EYS: variants seen among roughly 807,000 people sequenced by gnomAD.
The protein encoded by EYS is protein eyes shut homolog.
Under a neutral mutation model 282.1 loss-of-function variants are expected in EYS, and 250 were observed. The ratio of observed to expected loss-of-function variants is 0.89; its 90% CI spans 0.80 to 0.98. The LOEUF (loss-of-function observed/expected upper bound fraction) is 0.98. Ranked by LOEUF, EYS falls within the 50% of genes least tolerant of loss-of-function variation. EYS has a pLI of 0.00. For synonymous variants in EYS, 1,355 were observed against 1,282.9 expected (o/e 1.06, Z -1.20); for missense variants, 4,016 against 3,709.0 (o/e 1.08, Z -2.15).
intron 22 of EYS, among the ~76,000 whole-genome samples, chr6:64,685,430 G>T (rs1435543843): frequency 6.6e-6 from 1 of 152,164 alleles, no homozygotes; most frequent in Admixed American, 6.5e-5. Context: ...TCTGATGGGA[G>T]GTGTTTGGGT....
intron 2 of EYS, among the ~76,000 whole-genome samples, chr6:65,627,023 CT>C (rs200230404): frequency 1.3e-5 from 2 of 151,684 alleles, no homozygotes; most frequent in Non-Finnish European, 2.9e-5. Flanking sequence ...CCCTTTCTTT[CT>C]TTCTCTTTCT....
At chr6:65,620,290 T>A (rs1165760523) in intron 2 of EYS, among the ~76,000 whole-genome samples, 1 of 152,200 alleles carries the variant, frequency 6.6e-6, no homozygotes. Context: ...TGGGAGGGTG[T>A]ATGTGTCGAG....
intron 30 of EYS, among the ~76,000 whole-genome samples, chr6:64,266,029 A>G (rs1271055299): frequency 6.6e-6 from 1 of 152,108 alleles, no homozygotes. Flanking sequence ...AAAAATTGAC[A>G]TGAAAATTTA....
At chr6:65,269,846 T>G (rs1767850456) in intron 12 of EYS, among the ~76,000 whole-genome samples, 1 of 152,108 alleles carries the variant, frequency 6.6e-6, no homozygotes, top group Non-Finnish European at 1.5e-5. Flanking sequence ...CTTCATGACC[T>G]AATTACCTCC....
rs373305977 is a variant in EYS, at chr6:65,532,183, A to G, written c.-332-36190T>C. The stretch of plus-strand genomic sequence containing the variant: ...TGAACTCAACTACCTGCTAAATTAT[A>G]TATAATCATATGCTTAACAAATTTT... On this transcript the variant is annotated intron_variant, in intron 2 of 42. Coordinates refer to ENST00000503581, the MANE Select transcript of EYS (RefSeq NM_001142800.2). Among the ~76,000 whole-genome samples, 154 of 152,262 alleles carry G rather than the reference A, an allele frequency of 1.0e-3. 5 individuals carry two copies. In the South Asian group the frequency reaches 0.032, roughly 32 times the overall value.
chr6:65,479,002 C>T (rs1765506085), intron 5 of EYS, among the ~76,000 whole-genome samples: 1 of 151,828 alleles, frequency 6.6e-6, no homozygotes, highest in Non-Finnish European at 1.5e-5. Context: ...ATTATCTAAT[C>T]TGTAGAATAG....
chr6:65,559,239 T>C (rs1378500011), intron 2 of EYS, among the ~76,000 whole-genome samples: 8 of 151,964 alleles, frequency 5.3e-5, no homozygotes, highest in Admixed American at 5.3e-4. Flanking sequence ...AAAAATTAGC[T>C]GGGCATGGTG....
rs573070304 is a variant in EYS, at chr6:65,305,206, T to C, written c.1767-9087A>G. The stretch of plus-strand genomic sequence containing the variant: ...TGAGAAAAAAGTTCTGTCATACCCT[T>C]CTCTCCACAAAAAAGAGACTGAGAG... On this transcript the variant is annotated intron_variant, in intron 11 of 42. Transcript: ENST00000503581. Among the ~76,000 whole-genome samples, 136 of 151,924 alleles carry C rather than the reference T, an allele frequency of 9.0e-4. 6 individuals are homozygous for C. The South Asian group carries it at 0.028, about 31-fold the overall frequency.
chr6:64,723,727 C>G (rs910458699), intron 22 of EYS, among the ~76,000 whole-genome samples: 2 of 152,166 alleles, frequency 1.3e-5, no homozygotes, highest in African/African-American at 4.8e-5. Flanking sequence ...CGCTGAAAGC[C>G]TGGAGGTGTG....
At chr6:65,029,931 G>A (rs887490967) in intron 13 of EYS, among the ~76,000 whole-genome samples, 10 of 152,082 alleles carry the variant, frequency 6.6e-5, no homozygotes, top group African/African-American at 2.2e-4. Context: ...AATAAGCGAG[G>A]ATGGCCCACT....
intron 22 of EYS, among the ~76,000 whole-genome samples, chr6:64,749,507 C>T (rs975790695): frequency 3.3e-5 from 5 of 152,140 alleles, no homozygotes; most frequent in Admixed American, 6.5e-5. Context: ...ATGTCAAATA[C>T]TGCAAAGTAT....
chr6:64,464,254 C>T (rs771918618), intron 26 of EYS, among the ~76,000 whole-genome samples: 3 of 152,070 alleles, frequency 2.0e-5, no homozygotes, highest in Non-Finnish European at 4.4e-5. Flanking sequence ...AACATTCCTT[C>T]GTGATAAAAA....
intron 26 of EYS, among the ~76,000 whole-genome samples, chr6:64,473,690 T>C (rs1419073629): frequency 6.6e-6 from 1 of 152,186 alleles, no homozygotes; most frequent in Non-Finnish European, 1.5e-5. Context: ...AAGCCATTAA[T>C]TATGTAATCA....
At chr6:65,185,584 G>T (rs2150236299) in intron 12 of EYS, among the ~76,000 whole-genome samples, 1 of 151,820 alleles carries the variant, frequency 6.6e-6, no homozygotes, top group African/African-American at 2.4e-5. Context: ...ATTTTTCTTG[G>T]CTGTTTCCAG....
chr6:65,609,189 G>C (rs751675129), intron 2 of EYS, among the ~76,000 whole-genome samples: 2 of 151,690 alleles, frequency 1.3e-5, no homozygotes, highest in Non-Finnish European at 2.9e-5. Context: ...CTAATGCATT[G>C]CACTACTACA....
intron 30 of EYS, among the ~76,000 whole-genome samples, chr6:64,233,019 ACCATTTCT>A (rs1436442635): frequency 2.6e-5 from 4 of 152,128 alleles, no homozygotes; most frequent in Admixed American, 2.6e-4. Context: ...GAATAATTTC[ACCATTTCT>A]AACATTTGCC....
In EYS at chr6:64,911,589, T is replaced by G. The variant is rs576575590; in HGVS notation, c.2641+895A>C. Among the ~76,000 whole-genome samples, 9 of 152,220 alleles carry G rather than the reference T, an allele frequency of 5.9e-5. No homozygotes were observed. The East Asian group carries it at 1.5e-3, about 26-fold the overall frequency. On this transcript the variant is annotated intron_variant, in intron 16 of 42. Coordinates refer to ENST00000503581, the MANE Select transcript of EYS (RefSeq NM_001142800.2). ...TATCCTTATTATTAAGAGACTCCCT[T>G]AAGGGCCAGTGAGAGGCAGGAAAAC...
intron 41 of EYS, among the ~76,000 whole-genome samples, chr6:63,753,709 A>G (rs80301624): frequency 0.016 from 2,369 of 152,224 alleles, 50 homozygotes; most frequent in South Asian, 0.089. Flanking sequence ...GATACATGGG[A>G]GTTACAATTT....
Position 64,541,119 on chromosome 6 carries a change from C to T in EYS, c.5644+49104G>A, listed in dbSNP as rs1764684978. On this transcript the variant is annotated intron_variant, in intron 26 of 42. Coordinates refer to ENST00000503581, the MANE Select transcript of EYS (RefSeq NM_001142800.2). ...TGCCTAAACACAGAATTAGTTTTGC[C>T]CATTGATCAAGCCTTAATAAATCTT... is the stretch of plus-strand genomic sequence containing the variant. Among the ~76,000 whole-genome samples the T allele has an allele frequency of 3.3e-5, 5 of 152,200 alleles. No individual in the cohort carries two copies. In the South Asian group the frequency reaches 1.0e-3, roughly 32 times the overall value.
Sources: gnomAD v4.1 joint callset for allele counts (sites outside exome capture counted in the v4.1 genomes callset) on GRCh38, gnomAD v4.1.1 for gene constraint, MANE v1.5 for transcripts, NCBI Gene and HGNC (gene_info 2026-07-23, HGNC 2026-07-21) for gene names.